STK32B: variants seen among roughly 807,000 people sequenced by gnomAD.
STK32B encodes serine/threonine-protein kinase 32B.
Under a neutral mutation model 52.6 loss-of-function variants are expected in STK32B, and 43 were observed. That is an observed-to-expected ratio of 0.82 (90% CI 0.64 to 1.05). The LOEUF (loss-of-function observed/expected upper bound fraction) is 1.05. STK32B is among the 50% of genes least tolerant of loss of function. The pLI, the probability that STK32B is intolerant of heterozygous loss-of-function variation, is 0.00. For synonymous variants in STK32B, 238 were observed against 204.3 expected (o/e 1.17, Z -1.41); for missense variants, 621 against 534.6 (o/e 1.16, Z -1.59).
chr4:5,053,646 A>T (rs1399887882), intron 1 of STK32B, among the ~76,000 whole-genome samples: 1 of 152,144 alleles, frequency 6.6e-6, no homozygotes, highest in Non-Finnish European at 1.5e-5. Context: ...CTATAAGCAG[A>T]TTGGGCCTAA....
At chr4:5,274,997 G>A (rs566776342) in intron 3 of STK32B, among the ~76,000 whole-genome samples, 18 of 152,244 alleles carry the variant, frequency 1.2e-4, no homozygotes, top group Non-Finnish European at 1.8e-4. Flanking sequence ...TGGGTTCCAC[G>A]GTGCTCTTCC....
intron 3 of STK32B, among the ~76,000 whole-genome samples, chr4:5,196,700 G>A (rs1231479873): frequency 6.7e-6 from 1 of 149,628 alleles, no homozygotes; most frequent in East Asian, 2.1e-4. Flanking sequence ...CAGTCTGGGC[G>A]GCAGAGCGAG....
intron 3 of STK32B, among the ~76,000 whole-genome samples, chr4:5,305,170 C>A (rs919334366): frequency 1.3e-5 from 2 of 151,908 alleles, no homozygotes; most frequent in African/African-American, 4.8e-5. Context: ...ATGTCCTTTT[C>A]TGGTTTTGGT....
At chr4:5,142,593 T>G (rs1025104926) in intron 2 of STK32B, among the ~76,000 whole-genome samples, 1 of 152,208 alleles carries the variant, frequency 6.6e-6, no homozygotes, top group Non-Finnish European at 1.5e-5. Flanking sequence ...TAACAGACAT[T>G]CACTGGGCCA....
chr4:5,328,036 T>G (rs914970863), intron 3 of STK32B, among the ~76,000 whole-genome samples: 6 of 152,238 alleles, frequency 3.9e-5, no homozygotes, highest in African/African-American at 1.4e-4. Flanking sequence ...TTCTTTAACC[T>G]CATGAACCAA....
intron 11 of STK32B, among the ~76,000 whole-genome samples, chr4:5,472,501 A>G (rs1717921224): frequency 6.6e-6 from 1 of 152,222 alleles, no homozygotes; most frequent in African/African-American, 2.4e-5. Context: ...TTGGCAGCTG[A>G]GACTTCCATT....
At chr4:5,218,581 G>T (rs1723327216) in intron 3 of STK32B, among the ~76,000 whole-genome samples, 1 of 152,290 alleles carries the variant, frequency 6.6e-6, no homozygotes, top group East Asian at 1.9e-4. Flanking sequence ...TGCTTGGCTG[G>T]TTCTCATTCC....
At chr4:5,069,610 C>T (rs1711627935) in intron 1 of STK32B, among the ~76,000 whole-genome samples, 1 of 152,202 alleles carries the variant, frequency 6.6e-6, no homozygotes, top group Admixed American at 6.5e-5. Flanking sequence ...TTCTTCACCT[C>T]TCTGACCCTC....
At position 5,460,538 on chromosome 4, in the gene STK32B, A is replaced by G. The variant is rs918047203; in HGVS notation, c.909+310A>G. On this transcript the variant is annotated intron_variant, in intron 9 of 11. Transcript: ENST00000282908. The surrounding 1 kb of genome is among the most constrained non-coding windows in gnomAD (Gnocchi z 4.8). ...CTGATCTACCCTTCTGCCTCCACAG[A>G]GCTGACTGCCGAGTAGAGGAAGACA... is the stretch of plus-strand genomic sequence containing the variant. 1.3e-5 allele frequency among the ~76,000 whole-genome samples: 2 copies of G among 152,182 alleles called. No individual in the cohort carries two copies. The highest frequency in any genetic ancestry group is 4.8e-5 in the African/African-American group (2 of 41,428).
chr4:5,445,439 T>G (rs958180503), intron 6 of STK32B, among the ~76,000 whole-genome samples: 1 of 152,136 alleles, frequency 6.6e-6, no homozygotes, highest in Non-Finnish European at 1.5e-5. Flanking sequence ...CTAGAAATAA[T>G]GAACATTTCA....
the STK32B span, among the ~76,000 whole-genome samples, chr4:5,029,660 C>G: frequency 6.6e-6 from 1 of 152,168 alleles, no homozygotes; most frequent in Admixed American, 6.5e-5. Flanking sequence ...CCAGGCTGTC[C>G]GACACCTTGA....
At chr4:5,462,758 G>C (rs1449799785) in intron 9 of STK32B, among the ~76,000 whole-genome samples, 1 of 152,148 alleles carries the variant, frequency 6.6e-6, no homozygotes, top group Non-Finnish European at 1.5e-5. Context: ...CAGCACCCCG[G>C]GACTGTACTC....
At chr4:5,053,043 T>C (rs1741852163) in intron 1 of STK32B, among the ~76,000 whole-genome samples, 1 of 152,196 alleles carries the variant, frequency 6.6e-6, no homozygotes, top group Admixed American at 6.5e-5. Flanking sequence ...ACTGGCTGTG[T>C]GCGTACATCA....
intron 1 of STK32B, among the ~76,000 whole-genome samples, chr4:5,064,761 T>G (rs1398223153): frequency 8.9e-6 from 1 of 112,458 alleles, no homozygotes; most frequent in Admixed American, 1.3e-4. Context: ...AATATATAAA[T>G]ATATACTTAT....
chr4:5,311,294 T>C (rs1560305406), intron 3 of STK32B, among the ~76,000 whole-genome samples: 1 of 152,218 alleles, frequency 6.6e-6, no homozygotes, highest in Non-Finnish European at 1.5e-5. Context: ...CTCTGATTTT[T>C]ATCATTACAC....
At chr4:5,128,276 C>G (rs60724322) in intron 1 of STK32B, among the ~76,000 whole-genome samples, 21,152 of 152,108 alleles carry the variant, frequency 0.14, 1,538 homozygotes, top group African/African-American at 0.19. Flanking sequence ...TACAACTGTC[C>G]TAGGAAACGT....
intron 3 of STK32B, among the ~76,000 whole-genome samples, chr4:5,244,082 TGCTG>T (rs1283979270): frequency 6.6e-6 from 1 of 152,174 alleles, no homozygotes; most frequent in African/African-American, 2.4e-5. Context: ...ATCAGGATGA[TGCTG>T]GCCTCATAAA....
At chr4:5,091,673 T>C (rs1713087129) in intron 1 of STK32B, among the ~76,000 whole-genome samples, 1 of 152,134 alleles carries the variant, frequency 6.6e-6, no homozygotes, top group Non-Finnish European at 1.5e-5. Flanking sequence ...CCTAAAAAAA[T>C]TAAAGATAGA....
intron 4 of STK32B, among the ~76,000 whole-genome samples, chr4:5,364,925 G>T (rs372981254): frequency 6.6e-6 from 1 of 152,194 alleles, no homozygotes; most frequent in East Asian, 1.9e-4. Context: ...GCCCAGGCTG[G>T]AGTGCAATGG....
Sources: allele counts gnomAD v4.1 joint callset (sites outside exome capture counted in the v4.1 genomes callset), GRCh38; gene constraint gnomAD v4.1.1; non-coding constraint Gnocchi (gnomAD v3.1); transcripts MANE v1.5; gene names NCBI Gene and HGNC (gene_info 2026-07-23, HGNC 2026-07-21).